TAF6: variants seen among roughly 807,000 people sequenced by gnomAD.
TAF6 encodes the protein TATA-box binding protein associated factor 6.
In TAF6, 50 loss-of-function variants were observed where a neutral mutation model predicts 73.5. That is an observed-to-expected ratio of 0.68 (90% CI 0.54 to 0.86). The LOEUF (loss-of-function observed/expected upper bound fraction) is 0.86, where lower values mean the gene tolerates loss of function less well. Ranked by LOEUF, TAF6 falls within the 40% of genes least tolerant of loss-of-function variation. The pLI, the probability that TAF6 is intolerant of heterozygous loss-of-function variation, is 0.00. For missense variants in TAF6, 768 were observed against 899.5 expected (o/e 0.85, Z 1.87); for synonymous variants, 424 against 376.7 (o/e 1.13, Z -1.45).
At chr7:100,108,277 G>A in intron 13 of TAF6, 90 bp downstream of exon 13, 1 of 1,484,786 alleles carries the variant, frequency 6.7e-7, no homozygotes, top group Non-Finnish European at 9.0e-7. Flanking sequence ...ACTACTGACT[G>A]AGGGCACATG....
intron 1 of TAF6, among the ~76,000 whole-genome samples, chr7:100,115,840 A>G (rs1797626267): frequency 6.7e-6 from 1 of 149,958 alleles, no homozygotes; most frequent in African/African-American, 2.5e-5. Flanking sequence ...GCGTGGTGGC[A>G]CGCACCTGTA....
chr7:100,118,971 GC>G (rs1263943512), intron 1 of TAF6: 2 of 985,236 alleles, frequency 2.0e-6, no homozygotes, highest in East Asian at 2.3e-4. Context: ...GGTACCCTCT[GC>G]CAGTAAAGGC....
intron 10 of TAF6, 66 bp downstream of exon 10, chr7:100,111,071 AGT>A: frequency 1.9e-6 from 3 of 1,560,228 alleles, no homozygotes; most frequent in Non-Finnish European, 2.6e-6. Context: ...CCTTGTTTCC[AGT>A]GTGACTTCCC....
chr7:100,123,139 C>T (rs1420705786), upstream of TAF6, among the ~76,000 whole-genome samples: 2 of 151,806 alleles, frequency 1.3e-5, no homozygotes, highest in Non-Finnish European at 2.9e-5. Flanking sequence ...GTCATAAGTT[C>T]GAGACCAGCC....
chr7:100,111,359 G>C (rs552366371), intron 9 of TAF6, 38 bp from the exon 10 acceptor site: 1 of 1,595,692 alleles, frequency 6.3e-7, no homozygotes, highest in African/African-American at 1.3e-5. Context: ...TTCTGGTTTT[G>C]TTTGTCTGCT....
chr7:100,111,060 C>G, intron 10 of TAF6, 79 bp downstream of exon 10: 2 of 1,530,708 alleles, frequency 1.3e-6, no homozygotes, highest in South Asian at 2.4e-5. Context: ...TCCCTCTGCC[C>G]CCTTGTTTCC....
chr7:100,123,458 C>T (rs182893118), upstream of TAF6, among the ~76,000 whole-genome samples: 106 of 152,098 alleles, frequency 7.0e-4, no homozygotes, highest in African/African-American at 2.6e-3. Context: ...TGTTTGAGAC[C>T]AGAGTTAGAG....
At chr7:100,127,155 G>A in the TAF6 span, 1 of 518,436 alleles carries the variant, frequency 1.9e-6, no homozygotes, top group Non-Finnish European at 3.4e-6. The surrounding 1 kb of genome is among the most constrained non-coding windows in gnomAD (Gnocchi z 4.6). Flanking sequence ...GAACGGAATG[G>A]GGCGGGGGCC....
In TAF6 at chr7:100,114,271, G is replaced by A; in HGVS notation, c.-59-3C>T. On this transcript the variant is annotated splice_polypyrimidine_tract_variant and splice_region_variant and intron_variant, in intron 1 of 14. Coordinates refer to ENST00000453269, the MANE Select transcript of TAF6 (RefSeq NM_139315.3). ...CCCCCGGTGGAGAGACGGAGACCCT[G>A]GCAGAGGAACGGGGCAGGCAGAAGA... 1 of 1,612,794 alleles carries A rather than the reference G, an allele frequency of 6.2e-7. No homozygotes were observed. Among genetic ancestry groups the A allele is most frequent in the South Asian group, 1.1e-5 (1 of 91,086 alleles).
At chr7:100,119,985 T>A, upstream of TAF6, 1 of 844,506 alleles carries the variant, frequency 1.2e-6, no homozygotes, top group Non-Finnish European at 1.8e-6. Flanking sequence ...GAGGTTCTGG[T>A]GGAGCTTGGC....
intron 6 of TAF6, 99 bp from the exon 7 acceptor site, chr7:100,112,352 C>CCTGG (rs1797261697): frequency 6.7e-6 from 10 of 1,482,116 alleles, no homozygotes; most frequent in Non-Finnish European, 7.2e-6. Flanking sequence ...ACCCAGGAGA[C>CCTGG]CTGGCTTCTT....
chr7:100,110,582 C>A (rs1049779680), intron 10 of TAF6, among the ~76,000 whole-genome samples: 5 of 152,186 alleles, frequency 3.3e-5, no homozygotes, highest in African/African-American at 7.2e-5. Flanking sequence ...GAGGCCAAGG[C>A]AGGCAGATCA....
In TAF6 at chr7:100,107,548, C is replaced by T. The variant is rs146099990; in HGVS notation, c.1732G>A (p.Val578Met). The T allele has an allele frequency of 2.6e-5, 42 of 1,613,908 alleles. No individual in the cohort carries two copies. The highest frequency in any genetic ancestry group is 3.1e-5 in the Non-Finnish European group (37 of 1,179,962). The stretch of plus-strand genomic sequence containing the variant: ...GAGACCAACTTGACGATGGGCTGCA[C>T]GCTGGGGACGGTGGTGGTGACGGGC... The part of the protein sequence containing the change: ...TSPVTTTVPS[V>M]QPIVKLVSTA... The change falls in exon 15 of 15, where the codon GTG becomes ATG. Residue 578 changes from valine to methionine, a missense_variant. Coordinates refer to ENST00000453269, the MANE Select transcript of TAF6 (RefSeq NM_139315.3).
rs768448576 is a variant in TAF6 at position 100,111,988 on chromosome 7, T to C, written c.732A>G (p.Gln244=). Reference sequence around the variant, plus strand: ...ACAGTCCAGGGTCCGTGGCAATGCTTTGCAGGGCTTCCTGTGGGAGGAGGG... The same window carrying C: ...ACAGTCCAGGGTCCGTGGCAATGCTCTGCAGGGCTTCCTGTGGGAGGAGGG... ...SCEAKRAEAL[Q]SIATDPGLYQ... Residue 244 remains glutamine, a synonymous_variant, in exon 8 of 15, where the codon CAA becomes CAG. Transcript: ENST00000453269. 1 of 1,613,750 alleles carries C rather than the reference T, an allele frequency of 6.2e-7. No homozygotes were observed. Among genetic ancestry groups the C allele is most frequent in the Non-Finnish European group, 8.5e-7 (1 of 1,179,924 alleles).
upstream of TAF6, chr7:100,124,642 G>GTAA (rs1400704622): frequency 4.3e-6 from 7 of 1,612,508 alleles, no homozygotes; most frequent in East Asian, 1.6e-4. Context: ...GTAAGCGTAA[G>GTAA]GGTTGAACTC....
chr7:100,113,808 G>A (rs370871076), intron 3 of TAF6, 39 bp from the exon 4 acceptor site: 42 of 1,612,796 alleles, frequency 2.6e-5, no homozygotes, highest in South Asian at 5.5e-5. Context: ...GAAGGGAGCC[G>A]GAGGAGACCT....
upstream of TAF6, chr7:100,119,367 G>C (rs1306357068): frequency 9.5e-7 from 1 of 1,052,826 alleles, no homozygotes; most frequent in African/African-American, 1.7e-5. Context: ...CCCCTCGTGG[G>C]AGCAGGTCCT....
chr7:100,121,549 G>A (rs1478446734), upstream of TAF6: 1 of 152,004 alleles, frequency 6.6e-6, no homozygotes, highest in Non-Finnish European at 1.5e-5. Flanking sequence ...CTGGGTTCGA[G>A]TGATTCTCCT....
chr7:100,115,074 T>G (rs1797563330), intron 1 of TAF6: 1 of 152,308 alleles, frequency 6.6e-6, no homozygotes. Flanking sequence ...TTGTCCAGGC[T>G]GGTCTTGAAC....
Sources: gnomAD v4.1 joint callset for allele counts (sites outside exome capture counted in the v4.1 genomes callset) on GRCh38, gnomAD v4.1.1 for gene constraint, Gnocchi (gnomAD v3.1) non-coding constraint, MANE v1.5 for transcripts, NCBI Gene and HGNC (gene_info 2026-07-23, HGNC 2026-07-21) for gene names.